The following SOCS7 variants were observed in gnomAD, a reference collection of about 807,000 sequenced individuals.
SOCS7 encodes NAP-4.
SOCS7 carries 18 observed loss-of-function variants against 58.9 expected under a neutral mutation model. The ratio of observed to expected loss-of-function variants is 0.31; its 90% confidence interval spans 0.21 to 0.45. SOCS7 has a LOEUF of 0.45. SOCS7 is among the 20% of genes least tolerant of loss of function. The probability of loss-of-function intolerance (pLI) is 1.00; values close to 1 mark genes in which losing one functional copy is unlikely to be tolerated. For synonymous variants in SOCS7, 388 were observed against 364.3 expected, an observed-to-expected ratio of 1.06 and a Z score of -0.74; for missense variants, 667 against 837.3, an observed-to-expected ratio of 0.80 and a Z score of 2.51.
At position 38,377,752 on chromosome 17, in the gene SOCS7, C is replaced by A. The variant is rs764623857; in HGVS notation, c.1591C>A (p.Arg531Ser). ...SLWCHPKFED[R>S]CQSVVEFIKR... ...GTGGTGTCATCCCAAGTTTGAGGAC[C>A]GCTGTCAATCTGTTGTAGAGTTTAT... is the stretch of plus-strand genomic sequence containing the variant. The change falls in exon 7 of 10, where the codon CGC becomes AGC. Residue 531 changes from arginine to serine, a missense_variant. Coordinates refer to ENST00000612932, the MANE Select transcript of SOCS7 (RefSeq NM_014598.4). The A allele has an allele frequency of 1.2e-6, 2 of 1,612,838 alleles. No homozygotes were observed. The highest frequency in any genetic ancestry group is 1.1e-5 in the South Asian group (1 of 90,730).
intron 6 of SOCS7, among the ~76,000 whole-genome samples, chr17:38,372,730 T>C (rs540639116): frequency 6.6e-6 from 1 of 152,304 alleles, no homozygotes; most frequent in African/African-American, 2.4e-5. Flanking sequence ...GAAAAATTGC[T>C]CAGTTTGTAC....
chr17:38,377,937 C>G, intron 7 of SOCS7, 95 bp downstream of exon 7: 3 of 1,219,966 alleles, frequency 2.5e-6, no homozygotes, highest in Non-Finnish European at 3.5e-6. Context: ...CATGGTTAAG[C>G]TTTTTTTCCC....
chr17:38,382,488 T>C (rs59355476), intron 7 of SOCS7, among the ~76,000 whole-genome samples: 1 of 150,174 alleles, frequency 6.7e-6, no homozygotes, highest in East Asian at 2.0e-4. Flanking sequence ...ACAGCTCATT[T>C]TTGTTTGTTT....
chr17:38,395,416 G>C lies in SOCS7; in HGVS notation c.1789G>C (p.Asp597His). The C allele has an allele frequency of 6.2e-7, 1 of 1,614,180 alleles. No homozygotes were observed. The highest frequency in any genetic ancestry group is 8.5e-7 in the Non-Finnish European group (1 of 1,180,016). Residue 597 changes from aspartate (D) to histidine (H), a missense_variant, in exon 8 of 10, where the codon GAT (aspartate) becomes CAT (histidine). By Grantham distance (81) the Asp-to-His change is moderately conservative. This residue lies in a region of SOCS7 where 76 missense variants were observed against 194.5 expected (regional missense o/e 0.39). Coordinates refer to ENST00000612932, the MANE Select transcript of SOCS7 (RefSeq NM_014598.4). ...CCGGATACGACAGCTCGTCAGGATA[G>C]ATCACATCCCAGATCTCCCACTGCC... is the stretch of plus-strand genomic sequence containing the variant. ...RFRIRQLVRI[D>H]HIPDLPLPKP...
At chr17:38,377,937 C>CT (rs1292413651) in intron 7 of SOCS7, 95 bp downstream of exon 7, 24 of 1,219,960 alleles carry the variant, frequency 2.0e-5, no homozygotes, top group African/African-American at 1.7e-4. Context: ...CATGGTTAAG[C>CT]TTTTTTTCCC....
At chr17:38,398,090 G>A (rs553227419) in intron 9 of SOCS7, among the ~76,000 whole-genome samples, 2 of 152,142 alleles carry the variant, frequency 1.3e-5, no homozygotes, top group African/African-American at 2.4e-5. Context: ...ATATATTGGC[G>A]AAGGTTTGAA....
chr17:38,369,795 GT>G (rs929109311), intron 6 of SOCS7, among the ~76,000 whole-genome samples: 106 of 127,908 alleles, frequency 8.3e-4, no homozygotes, highest in Middle Eastern at 4.0e-3. Context: ...TTTTTTGTTT[GT>G]TTTTTTTTTT....
chr17:38,387,129 G>GTGTGTGTATATATATATA (rs1555570683), intron 7 of SOCS7, among the ~76,000 whole-genome samples: 19 of 64,728 alleles, frequency 2.9e-4, no homozygotes, highest in African/African-American at 8.0e-4. Context: ...ATATATATAT[G>GTGTGTGTATATATATATA]TATGTATATA....
At position 38,387,183 on chromosome 17, in the gene SOCS7, C is replaced by G. The variant is rs1414598879; in HGVS notation, c.1682-8126C>G. On this transcript the variant is annotated intron_variant, in intron 7 of 9. Coordinates refer to ENST00000612932, the MANE Select transcript of SOCS7 (RefSeq NM_014598.4). ...ATTCAGCCAGGTGCAGTGACTCACG[C>G]CTGTAATCCCAGCATTTTGGGAGGC... Among the ~76,000 whole-genome samples the G allele has an allele frequency of 2.2e-3, 288 of 132,268 alleles. 1 individual carries two copies. Among genetic ancestry groups the G allele is most frequent in the African/African-American group, 8.7e-3 (280 of 32,286 alleles). 86.8% of individuals were successfully genotyped at this position (132,268 alleles called of 152,430 possible).
At chr17:38,393,463 C>T (rs1012493485) in intron 7 of SOCS7, among the ~76,000 whole-genome samples, 1 of 152,030 alleles carries the variant, frequency 6.6e-6, no homozygotes, top group Non-Finnish European at 1.5e-5. Context: ...ATGGTGAAAC[C>T]CCGTCTCTAC....
intron 4 of SOCS7, 70 bp downstream of exon 4, chr17:38,365,479 A>T: frequency 1.0e-6 from 1 of 974,980 alleles, no homozygotes; most frequent in Non-Finnish European, 1.5e-6. Flanking sequence ...CCATAGAAGG[A>T]TGGGAGAAAT....
chr17:38,355,817 C>T (rs1036187622), intron 1 of SOCS7, among the ~76,000 whole-genome samples: 1 of 152,194 alleles, frequency 6.6e-6, no homozygotes, highest in Non-Finnish European at 1.5e-5. Context: ...GCTTTTGAGT[C>T]TGGTAAGTGG....
chr17:38,374,252 T>C (rs983810160), intron 6 of SOCS7, among the ~76,000 whole-genome samples: 1 of 131,680 alleles, frequency 7.6e-6, no homozygotes, highest in Non-Finnish European at 1.6e-5. Context: ...TAGAAGAAAT[T>C]GTGGGCCAGG....
intron 5 of SOCS7, 69 bp from the exon 6 acceptor site, chr17:38,367,813 T>C (rs1194289530): frequency 3.5e-6 from 5 of 1,413,872 alleles, no homozygotes; most frequent in Admixed American, 1.8e-5. Context: ...CATGTTAAGA[T>C]AGATTGCACT....
chr17:38,359,739 TTATA>T (rs71368481), intron 1 of SOCS7, among the ~76,000 whole-genome samples: 1 of 147,910 alleles, frequency 6.8e-6, no homozygotes, highest in Non-Finnish European at 1.5e-5. Flanking sequence ...TGTTTTACTG[TTATA>T]TATATATATA....
intron 7 of SOCS7, among the ~76,000 whole-genome samples, chr17:38,378,593 T>C (rs2037961423): frequency 2.0e-5 from 3 of 152,334 alleles, no homozygotes; most frequent in African/African-American, 7.2e-5. Context: ...GGTTTGCCCA[T>C]GTTGTACTAA....
Position 38,403,969 on chromosome 17 carries a change from A to C in SOCS7, c.*4487A>C, listed in dbSNP as rs946345305. The stretch of plus-strand genomic sequence containing the variant: ...CCTGGGGAGTAAAACCTTTTTTATT[A>C]AAAAAAGAAAAAGAAAAAAAAAAGA... On this transcript the variant is annotated 3_prime_UTR_variant, in exon 10 of 10. Coordinates refer to ENST00000612932, the MANE Select transcript of SOCS7 (RefSeq NM_014598.4). The C allele has an allele frequency of 6.6e-6, 1 of 151,876 alleles. No homozygotes were observed. Among genetic ancestry groups the C allele is most frequent in the Non-Finnish European group, 1.5e-5 (1 of 67,964 alleles). 9.4% of individuals were successfully genotyped at this position (151,876 alleles called of 1,614,324 possible). A position where few individuals can be genotyped will look rare whatever the true frequency, so the allele number is the denominator to read the frequency against.
intron 7 of SOCS7, among the ~76,000 whole-genome samples, chr17:38,385,961 T>C (rs1041650043): frequency 6.6e-6 from 1 of 151,804 alleles, no homozygotes. Context: ...GGAGGATCGC[T>C]TATACCCAGG....
rs1156942108 is a variant in SOCS7, at chr17:38,352,253, C to T, written c.201C>T (p.Phe67=). ...RGSRPPQLMV[F]RNVGRPPEEE... ...CCCGGCCGCCGCAGCTGATGGTGTT[C>T]CGCAACGTGGGTCGGCCGCCGGAGG... Residue 67 remains phenylalanine, a synonymous_variant, in exon 1 of 10, where the codon TTC becomes TTT. Transcript: ENST00000612932. The surrounding 1 kb of genome is among the most constrained non-coding windows in gnomAD (Gnocchi z 5.5). 2.0e-6 allele frequency: 3 copies of T among 1,467,756 alleles called. No individual in the cohort carries two copies. The highest frequency in any genetic ancestry group is 2.9e-5 in the East Asian group (1 of 33,914). 90.9% of individuals were successfully genotyped at this position (1,467,756 alleles called of 1,614,324 possible).
Sources: allele counts gnomAD v4.1 joint callset (sites outside exome capture counted in the v4.1 genomes callset), GRCh38; gene constraint gnomAD v4.1.1; regional missense constraint gnomAD v4.1.1; non-coding constraint Gnocchi (gnomAD v3.1); transcripts MANE v1.5; gene names NCBI Gene and HGNC (gene_info 2026-07-23, HGNC 2026-07-21).